MACC1: variants seen among roughly 807,000 people sequenced by gnomAD.
MACC1 encodes the protein metastasis-associated in colon cancer protein 1.
Under a neutral mutation model 70.7 loss-of-function variants are expected in MACC1, and 79 were observed. The ratio of observed to expected loss-of-function variants is 1.12; its 90% CI spans 0.93 to 1.35. The LOEUF (loss-of-function observed/expected upper bound fraction) is 1.35, where lower values mean the gene tolerates loss of function less well. Ranked by LOEUF, MACC1 falls within the 40% of genes most tolerant of loss-of-function variation. The pLI is 0.00. For synonymous variants in MACC1, 361 were observed against 347.2 expected, an observed-to-expected ratio of 1.04 and a Z score of -0.44; for missense variants, 1,106 against 978.1, an observed-to-expected ratio of 1.13 and a Z score of -1.74.
intron 1 of MACC1, among the ~76,000 whole-genome samples, chr7:20,203,394 T>G (rs1441488773): frequency 2.6e-5 from 4 of 152,166 alleles, no homozygotes; most frequent in African/African-American, 9.7e-5. Context: ...CCAGCAAATA[T>G]TTATTGCTGC....
At chr7:20,145,988 C>T (rs1781884589) in intron 6 of MACC1, among the ~76,000 whole-genome samples, 1 of 151,918 alleles carries the variant, frequency 6.6e-6, no homozygotes, top group Admixed American at 6.6e-5. Context: ...TGGTGAAGCC[C>T]TGTATCTATT....
At chr7:20,148,177 A>AT (rs1054936084) in intron 6 of MACC1, among the ~76,000 whole-genome samples, 1 of 152,046 alleles carries the variant, frequency 6.6e-6, no homozygotes, top group Non-Finnish European at 1.5e-5. Context: ...ATGAGAAAAA[A>AT]GGTGTACCCA....
rs113377508 is a variant in MACC1, at chr7:20,204,269, C to G, written c.-218+13030G>C. ...TCCCGGGTTCACGCCATTCTCCTGCCTCAGCCTCCAGAGCAGCTGGGACCA... is the reference window on the plus strand; with the variant it reads ...TCCCGGGTTCACGCCATTCTCCTGCGTCAGCCTCCAGAGCAGCTGGGACCA... On this transcript the variant is annotated intron_variant, in intron 1 of 6. Coordinates refer to ENST00000400331, the MANE Select transcript of MACC1 (RefSeq NM_182762.4). Among the ~76,000 whole-genome samples, 173 of 152,222 alleles carry G rather than the reference C, an allele frequency of 1.1e-3. 1 individual carries two copies. The highest frequency in any genetic ancestry group is 3.9e-3 in the African/African-American group (162 of 41,522).
At chr7:20,205,034 T>A (rs1217343526) in intron 1 of MACC1, among the ~76,000 whole-genome samples, 1 of 152,196 alleles carries the variant, frequency 6.6e-6, no homozygotes, top group Non-Finnish European at 1.5e-5. Context: ...TTCGGTAAAT[T>A]TTTAAAAGTT....
chr7:20,175,446 G>A (rs1025238728), intron 1 of MACC1, among the ~76,000 whole-genome samples: 1 of 151,810 alleles, frequency 6.6e-6, no homozygotes, highest in African/African-American at 2.4e-5. Context: ...AATTGATCAA[G>A]CAATAGAACA....
intron 1 of MACC1, among the ~76,000 whole-genome samples, chr7:20,209,206 C>G (rs1299705475): frequency 6.6e-6 from 1 of 152,234 alleles, no homozygotes; most frequent in Non-Finnish European, 1.5e-5. Context: ...CCCAGTGGAG[C>G]TGTGAGAAGA....
chr7:20,154,476 G>T, intron 5 of MACC1, 95 bp from the exon 6 acceptor site: 3 of 1,277,042 alleles, frequency 2.3e-6, no homozygotes, highest in Non-Finnish European at 1.1e-6. Context: ...ACAAATGGGA[G>T]TCCTTTTTTT....
At chr7:20,184,093 C>T (rs145651671) in intron 1 of MACC1, among the ~76,000 whole-genome samples, 51 of 152,296 alleles carry the variant, frequency 3.3e-4, no homozygotes, top group African/African-American at 1.2e-3. Context: ...AGTTCCAACA[C>T]TGTAGTCATT....
rs1400991700 is a variant in MACC1 at position 20,136,309 on chromosome 7, T to C, written c.*4637A>G. Reference sequence around the variant, plus strand: ...TCATTATGACAACAACAATATTTTCTATGAAATTTTCTCCTTTGGCCTTAC... The same window carrying C: ...TCATTATGACAACAACAATATTTTCCATGAAATTTTCTCCTTTGGCCTTAC... On this transcript the variant is annotated 3_prime_UTR_variant, in exon 7 of 7. Coordinates refer to ENST00000400331, the MANE Select transcript of MACC1 (RefSeq NM_182762.4). 4 of 152,232 alleles carry C rather than the reference T, an allele frequency of 2.6e-5. No individual in the cohort carries two copies. 9.4% of individuals were successfully genotyped at this position (152,232 alleles called of 1,614,324 possible).
At chr7:20,175,566 A>G (rs908793091) in intron 1 of MACC1, among the ~76,000 whole-genome samples, 1 of 152,154 alleles carries the variant, frequency 6.6e-6, no homozygotes, top group Non-Finnish European at 1.5e-5. Context: ...AATTGCATAT[A>G]TGCATATATG....
rs1452028195 is a variant in MACC1, at chr7:20,139,183, G to A, written c.*1763C>T. ...TTTCTAAATTCTAGCAGCCTTAATGGCCCTAATGTGGCTTCTTCTTGCTCC... is the reference window on the plus strand; with the variant it reads ...TTTCTAAATTCTAGCAGCCTTAATGACCCTAATGTGGCTTCTTCTTGCTCC... On this transcript the variant is annotated 3_prime_UTR_variant, in exon 7 of 7. Transcript: ENST00000400331. 3 of 152,006 alleles carry A rather than the reference G, an allele frequency of 2.0e-5. No homozygotes were observed. Among genetic ancestry groups the A allele is most frequent in the Non-Finnish European group, 4.4e-5 (3 of 68,024 alleles). The allele number at this position is 152,006 out of a possible 1,614,324, so 9.4% of individuals were successfully genotyped here. A position where few individuals can be genotyped will look rare whatever the true frequency, so the allele number is the denominator to read the frequency against.
intron 1 of MACC1, among the ~76,000 whole-genome samples, chr7:20,201,257 T>C (rs12537832): frequency 0.088 from 13,336 of 152,262 alleles, 676 homozygotes; most frequent in Non-Finnish European, 0.12. Flanking sequence ...GGACTAATTA[T>C]GCAGAATTTA....
rs566606484 is a variant in MACC1, at chr7:20,162,222, AT to A, written c.-8-353del. The stretch of plus-strand genomic sequence containing the variant: ...TCCTGTTTGGCGATTGGAGGACTAA[AT>A]ATCACAAACTAAAAATTTTCCCCTA... On this transcript the variant is annotated intron_variant, in intron 3 of 6. Transcript: ENST00000400331. 1.1e-4 allele frequency among the ~76,000 whole-genome samples: 16 copies of A among 152,264 alleles called. No individual in the cohort carries two copies. In the East Asian group the frequency reaches 1.5e-3, roughly 15 times the overall value.
chr7:20,187,124 C>G (rs897214005), intron 1 of MACC1, among the ~76,000 whole-genome samples: 1 of 152,120 alleles, frequency 6.6e-6, no homozygotes, highest in African/African-American at 2.4e-5. Flanking sequence ...AAAATTATTG[C>G]CAGTACCTGT....
At chr7:20,178,562 T>C (rs1583398982) in intron 1 of MACC1, among the ~76,000 whole-genome samples, 2 of 152,326 alleles carry the variant, frequency 1.3e-5, no homozygotes, top group Admixed American at 1.3e-4. Context: ...TGAGAGTCTT[T>C]AGTTTCACTA....
intron 1 of MACC1, among the ~76,000 whole-genome samples, chr7:20,207,836 C>A (rs1260660048): frequency 6.6e-6 from 1 of 152,112 alleles, no homozygotes; most frequent in Non-Finnish European, 1.5e-5. Flanking sequence ...AAAAGGTTAA[C>A]AGGATATACA....
chr7:20,177,073 T>C (rs1782404542), intron 1 of MACC1, among the ~76,000 whole-genome samples: 1 of 152,128 alleles, frequency 6.6e-6, no homozygotes, highest in South Asian at 2.1e-4. Flanking sequence ...CAAGTGTCAA[T>C]TTCCTGGTTT....
intron 1 of MACC1, among the ~76,000 whole-genome samples, chr7:20,197,226 G>A (rs1283513205): frequency 6.6e-6 from 1 of 152,182 alleles, no homozygotes; most frequent in East Asian, 1.9e-4. Flanking sequence ...AAGTCAACAA[G>A]TCAGTTAATA....
intron 1 of MACC1, among the ~76,000 whole-genome samples, chr7:20,192,029 C>T (rs1468454173): frequency 6.6e-6 from 1 of 152,058 alleles, no homozygotes; most frequent in East Asian, 1.9e-4. Context: ...GGATATAAAA[C>T]TATATGTAAT....
Sources: gnomAD v4.1 joint callset for allele counts (sites outside exome capture counted in the v4.1 genomes callset) on GRCh38, gnomAD v4.1.1 for gene constraint, MANE v1.5 for transcripts, NCBI Gene and HGNC (gene_info 2026-07-23, HGNC 2026-07-21) for gene names.